HPD: variants seen among roughly 807,000 people sequenced by gnomAD.
HPD encodes the protein 4-hydroxyphenylpyruvate dioxygenase.
Under a neutral mutation model 56.9 loss-of-function variants are expected in HPD, and 35 were observed. The ratio of observed to expected loss-of-function variants is 0.62; its 90% confidence interval spans 0.47 to 0.82. The LOEUF is 0.82. HPD is among the 40% of genes least tolerant of loss of function. HPD has a pLI of 0.00. For missense variants in HPD, 442 were observed against 506.8 expected, an observed-to-expected ratio of 0.87 and a Z score of 1.23; for synonymous variants, 186 against 200.2, an observed-to-expected ratio of 0.93 and a Z score of 0.60.
chr12:121,863,082 A>G (rs1253000154), upstream of HPD, among the ~76,000 whole-genome samples: 1 of 151,854 alleles, frequency 6.6e-6, no homozygotes, highest in East Asian at 1.9e-4. Context: ...TCCTAGGTTC[A>G]AGTGATTCTC....
chr12:121,875,589 C>T, the HPD span, among the ~76,000 whole-genome samples: 1 of 151,986 alleles, frequency 6.6e-6, no homozygotes. Flanking sequence ...CCAAGCCCGG[C>T]TAATTTTTGA....
chr12:121,848,608 G>A (rs1877661383), intron 9 of HPD, among the ~76,000 whole-genome samples: 3 of 151,238 alleles, frequency 2.0e-5, no homozygotes, highest in Admixed American at 6.6e-5. Flanking sequence ...AAGTGCGCCC[G>A]GTCTATTTTA....
chr12:121,862,366 C>T (rs147090747), upstream of HPD, among the ~76,000 whole-genome samples: 161 of 148,068 alleles, frequency 1.1e-3, 2 homozygotes, highest in African/African-American at 3.8e-3. Flanking sequence ...GGTGCGATCT[C>T]GGCTTATTAC....
chr12:121,869,483 G>C, the HPD span, among the ~76,000 whole-genome samples: 1 of 151,748 alleles, frequency 6.6e-6, no homozygotes, highest in African/African-American at 2.4e-5. Flanking sequence ...CACTGGTGTG[G>C]AAAGAGTTCT....
chr12:121,856,697 C>A (rs1402642803), intron 4 of HPD, 72 bp from the exon 5 acceptor site: 1 of 1,427,068 alleles, frequency 7.0e-7, no homozygotes, highest in Non-Finnish European at 9.9e-7. Flanking sequence ...ATCGGCCCCT[C>A]CCTGCCGACC....
chr12:121,843,958 T>C, intron 11 of HPD, 126 bp from the exon 12 acceptor site: 1 of 1,046,884 alleles, frequency 9.6e-7, no homozygotes, highest in Non-Finnish European at 1.5e-6. Context: ...CAGGATGCTG[T>C]GTGGCCTCTT....
chr12:121,842,471 G>A (rs535428595), intron 12 of HPD, among the ~76,000 whole-genome samples: 2 of 152,150 alleles, frequency 1.3e-5, no homozygotes, highest in East Asian at 3.9e-4. Context: ...TATCACCCAG[G>A]CTGGAGTGCA....
chr12:121,875,118 T>C, the HPD span, among the ~76,000 whole-genome samples: 3 of 152,238 alleles, frequency 2.0e-5, no homozygotes, highest in African/African-American at 7.2e-5. Context: ...AAAAGCCATA[T>C]GGTAAATATT....
Position 121,845,447 on chromosome 12 carries a change from A to C in HPD, c.831+1415T>G, listed in dbSNP as rs527963860. Among the ~76,000 whole-genome samples, 85 of 149,694 alleles carry C rather than the reference A, an allele frequency of 5.7e-4. 10 individuals carry two copies. The highest frequency in any genetic ancestry group is 2.0e-3 in the African/African-American group (78 of 39,354). ...CCGTCTCTACTAAAAATACAAAAAA[A>C]AACATTAGCTGGGCGTGGTGGCGGG... On this transcript the variant is annotated intron_variant, in intron 11 of 13. Transcript: ENST00000289004.
chr12:121,848,706 A>C (rs537271831), intron 9 of HPD, among the ~76,000 whole-genome samples: 1 of 152,170 alleles, frequency 6.6e-6, no homozygotes, highest in South Asian at 2.1e-4. Context: ...CCCGGGTTCA[A>C]GCGATTCTCC....
At chr12:121,858,393 C>A (rs776667766) in intron 2 of HPD, among the ~76,000 whole-genome samples, 1 of 152,086 alleles carries the variant, frequency 6.6e-6, no homozygotes, top group Non-Finnish European at 1.5e-5. Flanking sequence ...TCATGTTGAC[C>A]AGGCTGGTCT....
the HPD span, among the ~76,000 whole-genome samples, chr12:121,880,565 A>G: frequency 8.2e-4 from 125 of 152,288 alleles, no homozygotes; most frequent in African/African-American, 2.9e-3. Context: ...AACAGCATGG[A>G]TGGTGATCTA....
At chr12:121,874,614 A>G in the HPD span, among the ~76,000 whole-genome samples, 1 of 151,956 alleles carries the variant, frequency 6.6e-6, no homozygotes, top group Non-Finnish European at 1.5e-5. Context: ...GCAAAACTCC[A>G]TCTCAAAACA....
chr12:121,843,964 C>T, intron 11 of HPD, 132 bp from the exon 12 acceptor site: 3 of 990,400 alleles, frequency 3.0e-6, no homozygotes, highest in Non-Finnish European at 4.8e-6. Context: ...GCTGTGTGGC[C>T]TCTTCCCCTT....
chr12:121,861,759 G>A (rs770779048), upstream of HPD, among the ~76,000 whole-genome samples: 55 of 152,226 alleles, frequency 3.6e-4, no homozygotes, highest in African/African-American at 1.1e-3. Context: ...GCGTCCACCC[G>A]GGCTCTGAAA....
At chr12:121,848,633 T>C (rs1254915869) in intron 9 of HPD, among the ~76,000 whole-genome samples, 2 of 152,006 alleles carry the variant, frequency 1.3e-5, no homozygotes, top group African/African-American at 4.8e-5. Flanking sequence ...ATTTGTTTAT[T>C]GGAGACAAAA....
At chr12:121,861,268 G>A (rs1878165353), upstream of HPD, among the ~76,000 whole-genome samples, 1 of 151,314 alleles carries the variant, frequency 6.6e-6, no homozygotes, top group African/African-American at 2.4e-5. Context: ...CCCAGGAGGT[G>A]GAGGTTGCAG....
At chr12:121,847,543 T>C (rs1274830416) in intron 9 of HPD, among the ~76,000 whole-genome samples, 1 of 152,006 alleles carries the variant, frequency 6.6e-6, no homozygotes, top group Non-Finnish European at 1.5e-5. Flanking sequence ...GTATTTTTAT[T>C]TTTTGTTTTT....
the HPD span, among the ~76,000 whole-genome samples, chr12:121,886,410 G>GT: frequency 0.15 from 16,322 of 110,288 alleles, 3,117 homozygotes; most frequent in African/African-American, 0.45. Flanking sequence ...GCCTGGCCTA[G>GT]TTTTTTTTTT....
Sources: gnomAD v4.1 joint callset for allele counts (sites outside exome capture counted in the v4.1 genomes callset) on GRCh38, gnomAD v4.1.1 for gene constraint, MANE v1.5 for transcripts, NCBI Gene and HGNC (gene_info 2026-07-23, HGNC 2026-07-21) for gene names.